ASH1L: variants seen among roughly 807,000 people sequenced by gnomAD.
The protein encoded by ASH1L is ASH1 like histone lysine methyltransferase.
Under a neutral mutation model 269.0 loss-of-function variants are expected in ASH1L, and 23 were observed. The observed-to-expected ratio is 0.09, with a 90% confidence interval of 0.06 to 0.12. The LOEUF (loss-of-function observed/expected upper bound fraction) is 0.12. Ranked by LOEUF, ASH1L falls within the 10% of genes least tolerant of loss-of-function variation. The probability of loss-of-function intolerance (pLI) is 1.00; values close to 1 mark genes in which losing one functional copy is unlikely to be tolerated. For synonymous variants in ASH1L, 1,187 were observed against 1,253.5 expected (o/e 0.95, Z 1.12); for missense variants, 2,912 against 3,567.8 (o/e 0.82, Z 4.68).
intron 2 of ASH1L, among the ~76,000 whole-genome samples, chr1:155,484,949 AC>A (rs1233820231): frequency 1.8e-4 from 25 of 140,772 alleles, no homozygotes; most frequent in Admixed American, 4.3e-4. Context: ...AAAAACAAAA[AC>A]AAAAACAAAA....
At chr1:155,463,814 T>C (rs1046843525) in intron 3 of ASH1L, among the ~76,000 whole-genome samples, 2 of 151,838 alleles carry the variant, frequency 1.3e-5, no homozygotes, top group Admixed American at 6.6e-5. Flanking sequence ...ATAATAATGA[T>C]AGAAAGAAGA....
intron 3 of ASH1L, among the ~76,000 whole-genome samples, chr1:155,461,931 T>C (rs905912447): frequency 9.9e-5 from 15 of 151,798 alleles, no homozygotes; most frequent in African/African-American, 3.6e-4. Flanking sequence ...CCTGAGTAGC[T>C]GGGATTACAG....
At chr1:155,532,343 C>T (rs1042377433) in intron 1 of ASH1L, among the ~76,000 whole-genome samples, 7 of 152,226 alleles carry the variant, frequency 4.6e-5, no homozygotes, top group African/African-American at 1.7e-4. Context: ...ATTAATAGGA[C>T]ATATACATTG....
At position 155,452,468 on chromosome 1, in the gene ASH1L, T is replaced by C. The variant is rs573327810; in HGVS notation, c.5086+7329A>G. On this transcript the variant is annotated intron_variant, in intron 4 of 27. Transcript: ENST00000392403. ...TTTGTAGAACAGTTTGACAGTTTGATTCCTTGAATCCTGTTTTAAATCATT... is the reference window on the plus strand; with the variant it reads ...TTTGTAGAACAGTTTGACAGTTTGACTCCTTGAATCCTGTTTTAAATCATT... Among the ~76,000 whole-genome samples the C allele has an allele frequency of 5.3e-5, 8 of 152,334 alleles. No homozygotes were observed. In the East Asian group the frequency reaches 1.2e-3, roughly 22 times the overall value.
intron 2 of ASH1L, among the ~76,000 whole-genome samples, chr1:155,486,315 G>C (rs1231640636): frequency 6.6e-6 from 1 of 152,048 alleles, no homozygotes; most frequent in Non-Finnish European, 1.5e-5. Flanking sequence ...GGCTTTGACA[G>C]TCTCATATAC....
intron 1 of ASH1L, among the ~76,000 whole-genome samples, chr1:155,542,907 G>A (rs1437789184): frequency 6.6e-6 from 1 of 151,766 alleles, no homozygotes; most frequent in African/African-American, 2.4e-5. Flanking sequence ...CTGACCTCAG[G>A]TGATCCACCT....
intron 3 of ASH1L, among the ~76,000 whole-genome samples, chr1:155,472,741 T>C (rs188349228): frequency 6.6e-6 from 1 of 152,240 alleles, no homozygotes; most frequent in African/African-American, 2.4e-5. Context: ...TGTTGCCAGA[T>C]GTTCTGATTT....
At position 155,521,108 on chromosome 1, in the gene ASH1L, A is replaced by G. The variant is rs2148842680; in HGVS notation, c.412T>C (p.Ser138Pro). 1 of 1,588,624 alleles carries G rather than the reference A, an allele frequency of 6.3e-7. No individual in the cohort carries two copies. The highest frequency in any genetic ancestry group is 1.7e-4 in the Middle Eastern group (1 of 5,926). Residue 138 changes from serine to proline, a missense_variant, in exon 2 of 28, where the codon TCA becomes CCA. Around this residue, in one of 13 missense-constraint regions of ASH1L, gnomAD observed 277 missense variants for 367.7 expected, o/e 0.75. Coordinates refer to ENST00000392403, the MANE Select transcript of ASH1L (RefSeq NM_018489.3). The stretch of plus-strand genomic sequence containing the variant: ...TTAGGAATTCTACTTACTCGTTTTG[A>G]AGGACAGTGTTCATTCTTTTCATCC... Reference protein sequence around the residue: ...MTDEKNEHCPSKRDPSKLYKK... With the variant: ...MTDEKNEHCPPKRDPSKLYKK...
chr1:155,433,746 G>A, intron 5 of ASH1L: 1 of 1,603,492 alleles, frequency 6.2e-7, no homozygotes, highest in South Asian at 1.1e-5. Context: ...CGCTTTGAGG[G>A]TCTGCAGCTT....
intron 6 of ASH1L, among the ~76,000 whole-genome samples, chr1:155,398,412 C>A (rs7556102): frequency 0.53 from 80,039 of 152,096 alleles, 24,241 homozygotes; most frequent in Non-Finnish European, 0.68. Context: ...TGTAACTGTA[C>A]TGAATATTGC....
chr1:155,341,910 A>G, intron 25 of ASH1L, 26 bp downstream of exon 25: 1 of 1,609,562 alleles, frequency 6.2e-7, no homozygotes, highest in South Asian at 1.1e-5. Context: ...CCTAACATGT[A>G]GTGTTAAGAA....
intron 7 of ASH1L, among the ~76,000 whole-genome samples, chr1:155,385,763 A>G (rs1161084186): frequency 6.6e-6 from 1 of 152,182 alleles, no homozygotes; most frequent in Admixed American, 6.5e-5. Context: ...CTCCAGCAGA[A>G]AAGGGATAAA....
chr1:155,468,927 A>C (rs1664889982), intron 3 of ASH1L, among the ~76,000 whole-genome samples: 1 of 152,204 alleles, frequency 6.6e-6, no homozygotes, highest in Admixed American at 6.5e-5. Context: ...ATGTCATTGT[A>C]AGGAAAAAGC....
rs1652344639 is a variant in ASH1L, at chr1:155,336,677, CTG to C, written c.*981_*982del. The C allele has an allele frequency of 1.3e-5, 2 of 152,476 alleles. No individual in the cohort carries two copies. Among genetic ancestry groups the C allele is most frequent in the South Asian group, 2.1e-4 (1 of 4,828 alleles). The allele number at this position is 152,476 out of a possible 1,614,324, so 9.4% of individuals were successfully genotyped here. ...CTCTTTAAGAAAGGGACATTGAAAA[CTG>C]TACAATTAAGAAAACAAGAGTAGTG... On this transcript the variant is annotated 3_prime_UTR_variant, in exon 28 of 28. Coordinates refer to ENST00000392403, the MANE Select transcript of ASH1L (RefSeq NM_018489.3).
intron 2 of ASH1L, among the ~76,000 whole-genome samples, chr1:155,494,579 G>C (rs1249468994): frequency 6.6e-6 from 1 of 152,156 alleles, no homozygotes; most frequent in African/African-American, 2.4e-5. Context: ...CTAGGAGAGG[G>C]CTTGCAAAAT....
intron 10 of ASH1L, among the ~76,000 whole-genome samples, chr1:155,376,545 G>A (rs1302847848): frequency 6.6e-6 from 1 of 152,134 alleles, no homozygotes; most frequent in East Asian, 1.9e-4. Flanking sequence ...CAGGTGTGGT[G>A]GCTCATGCCT....
At chr1:155,550,074 GC>G (rs1671093875) in intron 1 of ASH1L, among the ~76,000 whole-genome samples, 1 of 151,720 alleles carries the variant, frequency 6.6e-6, no homozygotes, top group Non-Finnish European at 1.5e-5. Flanking sequence ...AAGCTGGAGT[GC>G]CGTGGCGTAA....
chr1:155,348,924 A>C (rs1349004085), intron 19 of ASH1L, among the ~76,000 whole-genome samples: 2 of 150,250 alleles, frequency 1.3e-5, no homozygotes, highest in African/African-American at 4.9e-5. Context: ...ACACACACAC[A>C]CACACACACA....
chr1:155,354,330 C>A, intron 16 of ASH1L, 143 bp downstream of exon 16: 1 of 647,924 alleles, frequency 1.5e-6, no homozygotes, highest in Non-Finnish European at 2.4e-6. Flanking sequence ...GTAATCCCAG[C>A]TACTCAGGAG....
Sources: gnomAD v4.1 joint callset for allele counts (sites outside exome capture counted in the v4.1 genomes callset) on GRCh38, gnomAD v4.1.1 for gene constraint, gnomAD v4.1.1 regional missense constraint, MANE v1.5 for transcripts, NCBI Gene and HGNC (gene_info 2026-07-23, HGNC 2026-07-21) for gene names.